The following VEGFC variants were observed in gnomAD, a reference collection of about 807,000 sequenced individuals.
VEGFC encodes vascular endothelial growth factor C, also known as FLT4 ligand DHM.
VEGFC carries 12 observed loss-of-function variants against 46.1 expected under a neutral mutation model. That is an observed-to-expected ratio of 0.26 (90% CI 0.17 to 0.42). The LOEUF is 0.42. Among genes scored for constraint, VEGFC ranks in the 10% least tolerant of loss-of-function variants. The pLI is 1.00. For synonymous variants in VEGFC, 232 were observed against 195.5 expected, an observed-to-expected ratio of 1.19 and a Z score of -1.56; for missense variants, 488 against 529.4, an observed-to-expected ratio of 0.92 and a Z score of 0.77.
At chr4:176,696,940 G>A (rs1383863253) in intron 4 of VEGFC, among the ~76,000 whole-genome samples, 3 of 151,440 alleles carry the variant, frequency 2.0e-5, no homozygotes. Flanking sequence ...TATGTAGAAA[G>A]CTGAAACTGG....
chr4:176,747,366 A>G (rs552930337), intron 1 of VEGFC, among the ~76,000 whole-genome samples: 1 of 152,114 alleles, frequency 6.6e-6, no homozygotes, highest in Non-Finnish European at 1.5e-5. Flanking sequence ...AGGCAGAAAT[A>G]AATTAGATAA....
intron 1 of VEGFC, among the ~76,000 whole-genome samples, chr4:176,740,606 C>G (rs1448935528): frequency 1.3e-5 from 2 of 148,502 alleles, no homozygotes; most frequent in Non-Finnish European, 3.0e-5. Flanking sequence ...TATATTTGAT[C>G]AAATCTAGCC....
intron 1 of VEGFC, among the ~76,000 whole-genome samples, chr4:176,742,336 A>G (rs142407489): frequency 3.6e-4 from 54 of 152,074 alleles, no homozygotes; most frequent in African/African-American, 1.3e-3. Context: ...TCCCCCGCTG[A>G]TAGGAACTTA....
At chr4:176,755,966 T>C (rs1226316269) in intron 1 of VEGFC, among the ~76,000 whole-genome samples, 1 of 152,030 alleles carries the variant, frequency 6.6e-6, no homozygotes, top group African/African-American at 2.4e-5. Context: ...TATAGATATA[T>C]TAGTTGATAT....
At chr4:176,753,838 T>C (rs1210535190) in intron 1 of VEGFC, among the ~76,000 whole-genome samples, 1 of 152,200 alleles carries the variant, frequency 6.6e-6, no homozygotes, top group East Asian at 1.9e-4. Flanking sequence ...AATCTACAAA[T>C]TGACTAGGAT....
At chr4:176,693,946 A>T (rs1232661419) in intron 4 of VEGFC, among the ~76,000 whole-genome samples, 5 of 151,788 alleles carry the variant, frequency 3.3e-5, no homozygotes, top group Non-Finnish European at 5.9e-5. Flanking sequence ...TTTTGTCACC[A>T]CCAGGCCTGC....
intron 6 of VEGFC, 47 bp from the exon 7 acceptor site, chr4:176,684,087 G>T: frequency 7.5e-7 from 1 of 1,328,254 alleles, no homozygotes. Flanking sequence ...TCAAGGCAAT[G>T]GATTCATCAT....
At chr4:176,700,332 G>A (rs986955765) in intron 4 of VEGFC, among the ~76,000 whole-genome samples, 3 of 151,892 alleles carry the variant, frequency 2.0e-5, no homozygotes, top group Non-Finnish European at 4.4e-5. Flanking sequence ...CAGGAGAATC[G>A]CTGGAACCCG....
chr4:176,725,670 A>T (rs1314605941), intron 3 of VEGFC, among the ~76,000 whole-genome samples: 1 of 152,166 alleles, frequency 6.6e-6, no homozygotes, highest in Non-Finnish European at 1.5e-5. Context: ...CATATTGCTT[A>T]ACTGAATTAT....
At chr4:176,774,706 G>C (rs1223976625) in intron 1 of VEGFC, among the ~76,000 whole-genome samples, 1 of 151,264 alleles carries the variant, frequency 6.6e-6, no homozygotes, top group Non-Finnish European at 1.5e-5. Flanking sequence ...TTACACATTA[G>C]AACATATGCT....
At position 176,792,260 on chromosome 4, in the gene VEGFC, G is replaced by A; in HGVS notation, c.52C>T (p.Leu18=). 1 of 1,557,902 alleles carries A rather than the reference G, an allele frequency of 6.4e-7. No individual in the cohort carries two copies. The highest frequency in any genetic ancestry group is 8.7e-7 in the Non-Finnish European group (1 of 1,154,316). ...SVACSLLAAA[L]LPGPREAPAA... ...GGCGCCTCGCGAGGACCCGGGAGCA[G>A]CGCAGCGGCGAGCAGAGAACACGCC... The change falls in exon 1 of 7, where the codon CTG becomes TTG. Residue 18 remains leucine (L), a synonymous_variant. Coordinates refer to ENST00000618562, the MANE Select transcript of VEGFC (RefSeq NM_005429.5). The surrounding 1 kb of genome is among the most constrained non-coding windows in gnomAD (Gnocchi z 6.3).
At chr4:176,787,889 A>G (rs1262559942) in intron 1 of VEGFC, among the ~76,000 whole-genome samples, 1 of 152,224 alleles carries the variant, frequency 6.6e-6, no homozygotes, top group African/African-American at 2.4e-5. Flanking sequence ...TAATGAGAAA[A>G]ATCAATGATA....
chr4:176,710,928 T>C (rs1734610009), intron 4 of VEGFC, among the ~76,000 whole-genome samples: 1 of 152,130 alleles, frequency 6.6e-6, no homozygotes, highest in South Asian at 2.1e-4. Flanking sequence ...GAATGTCAAT[T>C]TGAAATGATA....
At chr4:176,716,530 T>C (rs538294869) in intron 3 of VEGFC, among the ~76,000 whole-genome samples, 5 of 142,930 alleles carry the variant, frequency 3.5e-5, no homozygotes, top group Admixed American at 1.5e-4. Flanking sequence ...TGAGCCCAGA[T>C]TGCACCACTG....
At chr4:176,698,636 C>T (rs1482810491) in intron 4 of VEGFC, among the ~76,000 whole-genome samples, 1 of 152,018 alleles carries the variant, frequency 6.6e-6, no homozygotes, top group Non-Finnish European at 1.5e-5. Flanking sequence ...AGTAGAGTAA[C>T]TATGCTGTAC....
chr4:176,729,478 A>G, intron 2 of VEGFC, 55 bp downstream of exon 2: 1 of 1,477,098 alleles, frequency 6.8e-7, no homozygotes, highest in Admixed American at 2.1e-5. Context: ...CAGGCTGGCA[A>G]CTTCTACTGG....
intron 1 of VEGFC, among the ~76,000 whole-genome samples, chr4:176,776,506 G>A (rs1041825115): frequency 6.6e-6 from 1 of 152,204 alleles, no homozygotes; most frequent in Non-Finnish European, 1.5e-5. Context: ...CCAATGAAGA[G>A]AGGCACAATA....
intron 6 of VEGFC, among the ~76,000 whole-genome samples, chr4:176,686,651 T>C (rs916295857): frequency 1.3e-5 from 2 of 152,232 alleles, no homozygotes; most frequent in African/African-American, 4.8e-5. Flanking sequence ...AACTTCATTT[T>C]TTTTTTCTTG....
At chr4:176,729,467 C>A in intron 2 of VEGFC, 66 bp downstream of exon 2, 2 of 1,413,074 alleles carry the variant, frequency 1.4e-6, no homozygotes, top group Non-Finnish European at 1.9e-6. Context: ...AATTAAAGAA[C>A]CAGGCTGGCA....
Sources: gnomAD v4.1 joint callset for allele counts (sites outside exome capture counted in the v4.1 genomes callset) on GRCh38, gnomAD v4.1.1 for gene constraint, Gnocchi (gnomAD v3.1) non-coding constraint, MANE v1.5 for transcripts, NCBI Gene and HGNC (gene_info 2026-07-23, HGNC 2026-07-21) for gene names.